MECOM: variants seen among roughly 807,000 people sequenced by gnomAD.
MECOM encodes the protein MDS1 and EVI1 complex locus, also known as histone-lysine N-methyltransferase MECOM.
MECOM carries 13 observed loss-of-function variants against 116.3 expected under a neutral mutation model. The observed-to-expected ratio is 0.11, with a 90% CI of 0.07 to 0.18. The LOEUF is 0.18. Ranked by LOEUF, MECOM falls within the 10% of genes least tolerant of loss-of-function variation. The pLI is 1.00. For missense variants in MECOM, 1,299 were observed against 1,509.0 expected (o/e 0.86, Z 2.31); for synonymous variants, 528 against 535.2 (o/e 0.99, Z 0.19).
chr3:169,289,210 A>T (rs1713997049), intron 2 of MECOM, among the ~76,000 whole-genome samples: 1 of 152,222 alleles, frequency 6.6e-6, no homozygotes, highest in Non-Finnish European at 1.5e-5. Context: ...TTCTATGAGG[A>T]CCAGAAGATT....
At chr3:169,336,674 ATTAC>A in intron 2 of MECOM, among the ~76,000 whole-genome samples, 1 of 152,208 alleles carries the variant, frequency 6.6e-6, no homozygotes. Context: ...GGGCAGGTAA[ATTAC>A]TTAAATAGAT....
chr3:169,298,178 G>A lies in MECOM; in HGVS notation c.375+83009C>T, dbSNP rs185787731. 5.9e-5 allele frequency among the ~76,000 whole-genome samples: 9 copies of A among 152,158 alleles called. No individual in the cohort carries two copies. In the East Asian group the frequency reaches 9.7e-4, roughly 16 times the overall value. On this transcript the variant is annotated intron_variant, in intron 2 of 16. Coordinates refer to ENST00000651503, the MANE Select transcript of MECOM (RefSeq NM_004991.4). Reference sequence around the variant, plus strand: ...TGTTATAAAAATGTCTTTTATTTACGGAGTGGATTAGCTTTATGGTATCTG... The same window carrying A: ...TGTTATAAAAATGTCTTTTATTTACAGAGTGGATTAGCTTTATGGTATCTG...
In MECOM at chr3:169,471,204, CTGG is replaced by C. The variant is rs749831987; in HGVS notation, c.38-89683_38-89681del. ...ATAGGGTTTAGCCATGTTGCCCATGCTGGTCTCTAACTCCTGGGCTCAAGCAAT... is the reference window on the plus strand; with the variant it reads ...ATAGGGTTTAGCCATGTTGCCCATGCTCTCTAACTCCTGGGCTCAAGCAAT... On this transcript the variant is annotated intron_variant, in intron 1 of 16. Transcript: ENST00000651503. Among the ~76,000 whole-genome samples the C allele has an allele frequency of 2.0e-5, 3 of 152,244 alleles. No homozygotes were observed. In the South Asian group the frequency reaches 6.2e-4, roughly 32 times the overall value.
intron 2 of MECOM, among the ~76,000 whole-genome samples, chr3:169,300,001 C>T (rs924298771): frequency 2.6e-5 from 4 of 152,178 alleles, no homozygotes; most frequent in South Asian, 4.1e-4. Context: ...GAGACAGCCA[C>T]GAGTCCCTCA....
chr3:169,188,970 G>A (rs1481602738), intron 2 of MECOM, among the ~76,000 whole-genome samples: 1 of 152,024 alleles, frequency 6.6e-6, no homozygotes, highest in Non-Finnish European at 1.5e-5. Flanking sequence ...ACTCAGTTAT[G>A]TCACATTTAT....
chr3:169,493,407 C>T (rs556567295), intron 1 of MECOM, among the ~76,000 whole-genome samples: 160 of 152,222 alleles, frequency 1.1e-3, no homozygotes, highest in African/African-American at 3.7e-3. Flanking sequence ...GATAGCACCA[C>T]GAGCTCCCAC....
At chr3:169,263,090 T>C (rs1336048545) in intron 2 of MECOM, among the ~76,000 whole-genome samples, 1 of 28,074 alleles carries the variant, frequency 3.6e-5, no homozygotes, top group Non-Finnish European at 6.6e-5. Context: ...TATATATATA[T>C]ATATATATAT....
At chr3:169,358,339 T>C (rs1727625366) in intron 2 of MECOM, among the ~76,000 whole-genome samples, 2 of 151,744 alleles carry the variant, frequency 1.3e-5, no homozygotes. Flanking sequence ...GGACTTATAT[T>C]AAATAGAGGT....
intron 1 of MECOM, among the ~76,000 whole-genome samples, chr3:169,537,498 C>T (rs1426969709): frequency 6.6e-6 from 1 of 152,098 alleles, no homozygotes; most frequent in Admixed American, 6.6e-5. Flanking sequence ...CCTGAAACTC[C>T]CTAATCTCAT....
chr3:169,518,127 C>T (rs1756889720), intron 1 of MECOM, among the ~76,000 whole-genome samples: 1 of 152,024 alleles, frequency 6.6e-6, no homozygotes, highest in Admixed American at 6.6e-5. Flanking sequence ...GGCGTGATGG[C>T]AGGCGCCTGT....
At chr3:169,473,522 G>C (rs1749879335) in intron 1 of MECOM, among the ~76,000 whole-genome samples, 2 of 152,170 alleles carry the variant, frequency 1.3e-5, no homozygotes, top group African/African-American at 2.4e-5. Context: ...TGTAATCCCA[G>C]CACTATGGGA....
At chr3:169,662,012 CT>C in intron 1 of MECOM, among the ~76,000 whole-genome samples, 1 of 152,190 alleles carries the variant, frequency 6.6e-6, no homozygotes, top group Non-Finnish European at 1.5e-5. Flanking sequence ...CTCAGTGTCC[CT>C]GAGTCCCCTT....
chr3:169,351,442 A>G (rs1726328131), intron 2 of MECOM, among the ~76,000 whole-genome samples: 1 of 151,890 alleles, frequency 6.6e-6, no homozygotes, highest in African/African-American at 2.4e-5. Flanking sequence ...AGGTATTAAT[A>G]TAAGAGAACT....
intron 3 of MECOM, among the ~76,000 whole-genome samples, chr3:169,135,266 T>C (rs1358015296): frequency 6.6e-6 from 1 of 152,038 alleles, no homozygotes; most frequent in Non-Finnish European, 1.5e-5. Context: ...GGGTTTTATG[T>C]AAAAAGTTCT....
At chr3:169,267,684 C>T (rs1483082374) in intron 2 of MECOM, among the ~76,000 whole-genome samples, 1 of 152,146 alleles carries the variant, frequency 6.6e-6, no homozygotes. Context: ...CTGTGTTCTC[C>T]ATACTCCCTA....
At chr3:169,148,018 T>TA (rs199916590) in intron 2 of MECOM, among the ~76,000 whole-genome samples, 3 of 152,142 alleles carry the variant, frequency 2.0e-5, no homozygotes, top group Non-Finnish European at 4.4e-5. Flanking sequence ...TGCTAAGCAT[T>TA]AAAAAAAATT....
rs191178575 is a variant in MECOM at position 169,223,832 on chromosome 3, C to T, written c.376-80000G>A. On this transcript the variant is annotated intron_variant, in intron 2 of 16. Coordinates refer to ENST00000651503, the MANE Select transcript of MECOM (RefSeq NM_004991.4). The stretch of plus-strand genomic sequence containing the variant: ...AAACTCCATCTCCTCTGATTTGGAC[C>T]GTGAGCCCCTCTATTCTTCCTCAAG... 1.7e-3 allele frequency among the ~76,000 whole-genome samples: 266 copies of T among 152,214 alleles called. 1 individual carries two copies. The highest frequency in any genetic ancestry group is 1.4e-3 in the Non-Finnish European group (95 of 68,016).
chr3:169,431,442 C>G (rs768461664), intron 1 of MECOM, among the ~76,000 whole-genome samples: 1 of 152,092 alleles, frequency 6.6e-6, no homozygotes, highest in South Asian at 2.1e-4. Flanking sequence ...TTATCAAAAC[C>G]GGGGTCTTCC....
chr3:169,634,358 C>T (rs1414271787), intron 1 of MECOM, among the ~76,000 whole-genome samples: 1 of 151,976 alleles, frequency 6.6e-6, no homozygotes, highest in East Asian at 1.9e-4. Context: ...GAGATCATGC[C>T]CCAGTAAATT....
Sources: allele counts gnomAD v4.1 joint callset (sites outside exome capture counted in the v4.1 genomes callset), GRCh38; gene constraint gnomAD v4.1.1; transcripts MANE v1.5; gene names NCBI Gene and HGNC (gene_info 2026-07-23, HGNC 2026-07-21).